ENPP3: variants seen among roughly 807,000 people sequenced by gnomAD.
ENPP3 encodes ectonucleotide pyrophosphatase/phosphodiesterase 3.
ENPP3 carries 104 observed loss-of-function variants against 117.8 expected under a neutral mutation model. The observed-to-expected ratio is 0.88, with a 90% CI of 0.75 to 1.04. ENPP3 has a LOEUF of 1.04. Among genes scored for constraint, ENPP3 ranks in the 50% least tolerant of loss-of-function variants. The probability of loss-of-function intolerance (pLI) is 0.00; values close to 1 mark genes in which losing one functional copy is unlikely to be tolerated. For missense variants in ENPP3, 1,026 were observed against 1,051.9 expected, an observed-to-expected ratio of 0.98 and a Z score of 0.34; for synonymous variants, 380 against 349.9, an observed-to-expected ratio of 1.09 and a Z score of -0.96.
intron 20 of ENPP3, among the ~76,000 whole-genome samples, chr6:131,732,802 T>C (rs1780314861): frequency 6.7e-6 from 1 of 150,104 alleles, no homozygotes; most frequent in African/African-American, 2.4e-5. Flanking sequence ...AATGGCCCAG[T>C]CTCAGCTCAC....
rs1030342713 is a variant in ENPP3 at position 131,671,327 on chromosome 6, G to T, written c.642G>T (p.Thr214=). 6.3e-7 allele frequency: 1 copy of T among 1,581,376 alleles called. No individual in the cohort carries two copies. Among genetic ancestry groups the T allele is most frequent in the Non-Finnish European group, 8.7e-7 (1 of 1,150,696 alleles). Residue 214 remains threonine (T), a splice_region_variant and synonymous_variant, in exon 7 of 25, where the codon ACG becomes ACT. Transcript: ENST00000357639. Reference sequence around the variant, plus strand: ...TCCCAAATCATTACACCATTGTCACGGTAAGTGCTTGACCCAGTGGTAAGA... The same window carrying T: ...TCCCAAATCATTACACCATTGTCACTGTAAGTGCTTGACCCAGTGGTAAGA... ...KTFPNHYTIV[T]GLYPESHGII...
intron 15 of ENPP3, 43 bp from the exon 16 acceptor site, chr6:131,718,629 A>G: frequency 1.0e-6 from 1 of 996,348 alleles, no homozygotes; most frequent in Non-Finnish European, 1.5e-6. Context: ...ATGGTCTCAT[A>G]TCAATATATT....
Position 131,637,452 on chromosome 6 carries a change from T to G in ENPP3, c.68T>G (p.Ile23Arg), listed in dbSNP as rs61738880. Reference sequence around the variant, plus strand: ...AAGAACACTCTTAAGAAATATAAAATAGCTTGCATTGTAAGTACAATTCTT... The same window carrying G: ...AAGAACACTCTTAAGAAATATAAAAGAGCTTGCATTGTAAGTACAATTCTT... ...VKKNTLKKYK[I>R]ACIVLLALLV... The change falls in exon 1 of 25, where the codon ATA becomes AGA. Residue 23 changes from isoleucine (I) to arginine (R), a missense_variant. Physicochemically the swap from Ile to Arg is moderately conservative, Grantham distance 97 (BLOSUM62 -3). Transcript: ENST00000357639. 3.5e-4 allele frequency: 544 copies of G among 1,559,006 alleles called. 2 individuals are homozygous for G. In the African/African-American group the frequency reaches 7.0e-3, roughly 20 times the overall value.
At chr6:131,649,939 C>A in intron 2 of ENPP3, 88 bp from the exon 3 acceptor site, 12 of 1,371,146 alleles carry the variant, frequency 8.8e-6, no homozygotes, top group Non-Finnish European at 9.3e-6. Flanking sequence ...ATAGTCTGTG[C>A]TGTGTACTTC....
chr6:131,737,928 A>G lies in ENPP3; in HGVS notation c.2168-103A>G, dbSNP rs879214231. The G allele has an allele frequency of 7.5e-6, 6 of 804,526 alleles. No homozygotes were observed. The South Asian group carries it at 9.6e-5, about 13-fold the overall frequency. 49.8% of individuals were successfully genotyped at this position (804,526 alleles called of 1,614,324 possible). On this transcript the variant is annotated intron_variant, in intron 22 of 24. Coordinates refer to ENST00000357639, the MANE Select transcript of ENPP3 (RefSeq NM_005021.5). ...TACCCAATCATCACTGGCAATTATT[A>G]AGGCAGAATTTCATGTTATTTAAAT...
At chr6:131,637,807 T>C (rs1380759464) in intron 1 of ENPP3, among the ~76,000 whole-genome samples, 2 of 152,116 alleles carry the variant, frequency 1.3e-5, no homozygotes, top group African/African-American at 4.8e-5. Context: ...TTAAAATCAT[T>C]GTACCCTATT....
intron 1 of ENPP3, among the ~76,000 whole-genome samples, chr6:131,640,149 A>C (rs1778011634): frequency 6.6e-6 from 1 of 152,332 alleles, no homozygotes; most frequent in South Asian, 2.1e-4. Flanking sequence ...TTTTCTAGCA[A>C]GTTTGAACAG....
chr6:131,702,534 G>T (rs1779561972), intron 15 of ENPP3, among the ~76,000 whole-genome samples: 3 of 151,716 alleles, frequency 2.0e-5, no homozygotes, highest in African/African-American at 4.8e-5. Context: ...AGTAACTTTT[G>T]TTGGATTTGG....
At chr6:131,659,062 T>C (rs1179947508) in intron 6 of ENPP3, among the ~76,000 whole-genome samples, 7 of 152,238 alleles carry the variant, frequency 4.6e-5, no homozygotes, top group Admixed American at 4.6e-4. Flanking sequence ...TTTAAGTTAT[T>C]GTTATAATTC....
chr6:131,673,894 T>C (rs1778805341), intron 7 of ENPP3, among the ~76,000 whole-genome samples: 1 of 152,106 alleles, frequency 6.6e-6, no homozygotes. Flanking sequence ...AGGGTATGCA[T>C]AGGTTATATG....
At chr6:131,675,828 C>T (rs180962459) in intron 9 of ENPP3, among the ~76,000 whole-genome samples, 21 of 152,146 alleles carry the variant, frequency 1.4e-4, no homozygotes, top group South Asian at 1.0e-3. Flanking sequence ...GGCGACAGAG[C>T]GCGACTCCGT....
chr6:131,681,492 T>C (rs1467643761), intron 11 of ENPP3, among the ~76,000 whole-genome samples: 1 of 149,630 alleles, frequency 6.7e-6, no homozygotes, highest in African/African-American at 2.6e-5. Context: ...ATTGCTATTA[T>C]GCTTTCTTAT....
In ENPP3 at chr6:131,665,067, G is replaced by C. The variant is rs948529232; in HGVS notation, c.563-6181G>C. ...ATATATCACATTAATTGATTTTCATGTGTTGAACCATCCTTGCACCCCAGG... is the reference window on the plus strand; with the variant it reads ...ATATATCACATTAATTGATTTTCATCTGTTGAACCATCCTTGCACCCCAGG... On this transcript the variant is annotated intron_variant, in intron 6 of 24. Coordinates refer to ENST00000357639, the MANE Select transcript of ENPP3 (RefSeq NM_005021.5). Among the ~76,000 whole-genome samples, 7 of 152,184 alleles carry C rather than the reference G, an allele frequency of 4.6e-5. No individual in the cohort carries two copies. In the East Asian group the frequency reaches 1.4e-3, roughly 29 times the overall value.
chr6:131,648,981 ATGGAAAAC>A (rs1264707070), intron 2 of ENPP3, among the ~76,000 whole-genome samples: 29 of 152,214 alleles, frequency 1.9e-4, no homozygotes, highest in Non-Finnish European at 8.8e-5. Context: ...GCTTAGATAT[ATGGAAAAC>A]TGAACTTCCC....
chr6:131,742,891 G>C (rs1447478998), intron 24 of ENPP3, among the ~76,000 whole-genome samples: 2 of 152,160 alleles, frequency 1.3e-5, no homozygotes, highest in Admixed American at 6.5e-5. Flanking sequence ...CAAAGTAGAA[G>C]TGATCTCTCC....
chr6:131,706,651 G>T (rs1174496492), intron 15 of ENPP3, among the ~76,000 whole-genome samples: 8 of 149,352 alleles, frequency 5.4e-5, no homozygotes, highest in African/African-American at 7.6e-5. Context: ...ATCATGAATG[G>T]ATATCGAAAT....
At position 131,671,387 on chromosome 6, in the gene ENPP3, C is replaced by T. The variant is rs374042416; in HGVS notation, c.642+60C>T. On this transcript the variant is annotated intron_variant, in intron 7 of 24. Coordinates refer to ENST00000357639, the MANE Select transcript of ENPP3 (RefSeq NM_005021.5). ...GACCAGAACTGACCACATAAACAGA[C>T]ATGTTTGGGCAGGAACTGACCGAGT... 1.5e-5 allele frequency: 15 copies of T among 986,454 alleles called. No individual in the cohort carries two copies. The East Asian group carries it at 1.9e-4, about 13-fold the overall frequency. The allele number at this position is 986,454 out of a possible 1,614,324, so 61.1% of individuals were successfully genotyped here.
intron 15 of ENPP3, among the ~76,000 whole-genome samples, chr6:131,697,935 G>T (rs944719322): frequency 1.3e-5 from 2 of 152,188 alleles, no homozygotes; most frequent in East Asian, 3.9e-4. Flanking sequence ...AAGCCATGGG[G>T]ATGGTGAAAC....
At chr6:131,727,568 A>C (rs943760221) in intron 20 of ENPP3, among the ~76,000 whole-genome samples, 1 of 151,738 alleles carries the variant, frequency 6.6e-6, no homozygotes, top group African/African-American at 2.4e-5. Flanking sequence ...AAAAAAAAAA[A>C]AAAAAAAAAA....
Sources: gnomAD v4.1 joint callset for allele counts (sites outside exome capture counted in the v4.1 genomes callset) on GRCh38, gnomAD v4.1.1 for gene constraint, MANE v1.5 for transcripts, NCBI Gene and HGNC (gene_info 2026-07-23, HGNC 2026-07-21) for gene names.